Variants in CHM observed in about 807,000 individuals in gnomAD.
CHM encodes CHM Rab escort protein.
CHM carries 10 observed loss-of-function variants against 49.0 expected under a neutral mutation model. The ratio of observed to expected loss-of-function variants is 0.20; its 90% CI spans 0.13 to 0.35. CHM has a LOEUF of 0.35. Ranked by LOEUF, CHM falls within the 10% of genes least tolerant of loss-of-function variation. The pLI is 1.00. For missense variants in CHM, 455 were observed against 478.4 expected, an observed-to-expected ratio of 0.95 and a Z score of 0.46; for synonymous variants, 184 against 167.5, an observed-to-expected ratio of 1.10 and a Z score of -0.76.
At chrX:86,000,805 T>C (rs1182142949) in intron 2 of CHM, among the ~76,000 whole-genome samples, 1 of 110,976 alleles carries the variant, frequency 9.0e-6, no homozygotes, top group East Asian at 2.8e-4. Context: ...GTGGATGTCA[T>C]GGTGGTAGAG....
chrX:85,873,918 A>G (rs1924260691), intron 13 of CHM, among the ~76,000 whole-genome samples: 1 of 111,719 alleles, frequency 9.0e-6, no homozygotes, highest in African/African-American at 3.2e-5. Flanking sequence ...AAATATCAAA[A>G]ATGAAGTCAT....
At chrX:85,970,518 G>A (rs1930839376) in intron 4 of CHM, 2 of 703,446 alleles carry the variant, frequency 2.8e-6, no homozygotes, top group Non-Finnish European at 1.7e-6. Context: ...AATAGCACAC[G>A]TTTTTGAGTT....
chrX:86,039,942 T>G (rs1300788571), intron 1 of CHM, among the ~76,000 whole-genome samples: 4 of 111,708 alleles, frequency 3.6e-5, no homozygotes, highest in Non-Finnish European at 7.5e-5. Context: ...CCCTTCCCAC[T>G]AAGAGCCATC....
chrX:86,036,422 G>A (rs1411243875), intron 1 of CHM, among the ~76,000 whole-genome samples: 3 of 111,527 alleles, frequency 2.7e-5, no homozygotes, highest in Non-Finnish European at 3.8e-5. Context: ...TAAAATAAAG[G>A]ATTGTGGGGA....
intron 4 of CHM, among the ~76,000 whole-genome samples, chrX:85,978,438 C>T (rs1006070117): frequency 1.8e-5 from 2 of 111,570 alleles, no homozygotes; most frequent in Non-Finnish European, 3.8e-5. Flanking sequence ...TCTGCAACTA[C>T]TTAATCTCCT....
In CHM at chrX:86,044,838, C is replaced by T. The variant is rs138113199; in HGVS notation, c.49+2646G>A. Among the ~76,000 whole-genome samples the T allele has an allele frequency of 8.8e-3, 985 of 111,526 alleles. 14 individuals are homozygous for T. The highest frequency in any genetic ancestry group is 0.03 in the African/African-American group (924 of 30,719). On this transcript the variant is annotated intron_variant, in intron 1 of 14. Coordinates refer to ENST00000357749, the MANE Select transcript of CHM (RefSeq NM_000390.4). ...TTATTCCATTTTCTTCTATTTTTTC[C>T]GCAATTCCACTTTAGCTTACTCTTC...
intron 2 of CHM, among the ~76,000 whole-genome samples, chrX:85,986,930 T>C (rs191687463): frequency 9.6e-6 from 1 of 104,079 alleles, no homozygotes; most frequent in Non-Finnish European, 2.0e-5. Context: ...CACAATAAAA[T>C]AATACAAGAG....
chrX:85,935,301 T>C (rs1480629842), intron 8 of CHM, among the ~76,000 whole-genome samples: 2 of 111,598 alleles, frequency 1.8e-5, no homozygotes, highest in Non-Finnish European at 3.8e-5. Context: ...TCCACCCCCA[T>C]GTCCCTAACA....
At chrX:85,890,731 C>T (rs890441218) in intron 12 of CHM, among the ~76,000 whole-genome samples, 5 of 111,271 alleles carry the variant, frequency 4.5e-5, no homozygotes, top group Non-Finnish European at 7.5e-5. Flanking sequence ...TGAAAACAGA[C>T]GAATACAGTA....
chrX:85,946,625 G>A (rs1051602563), intron 8 of CHM, among the ~76,000 whole-genome samples: 1 of 112,273 alleles, frequency 8.9e-6, no homozygotes, highest in Admixed American at 9.4e-5. Flanking sequence ...ATATGGGAAA[G>A]CTTGGGTGTC....
At chrX:85,990,852 T>C (rs768528943) in intron 2 of CHM, among the ~76,000 whole-genome samples, 3 of 111,988 alleles carry the variant, frequency 2.7e-5, no homozygotes, top group Admixed American at 9.5e-5. Context: ...ATAATTACAA[T>C]TCAGTGTTGA....
intron 12 of CHM, among the ~76,000 whole-genome samples, chrX:85,880,761 A>C (rs1924712691): frequency 1.8e-5 from 2 of 111,328 alleles, no homozygotes; most frequent in Non-Finnish European, 3.8e-5. Flanking sequence ...AATTCTTACA[A>C]AGACATTCAT....
intron 2 of CHM, among the ~76,000 whole-genome samples, chrX:85,986,897 C>T (rs1267457785): frequency 2.7e-5 from 3 of 110,210 alleles, no homozygotes; most frequent in Non-Finnish European, 5.7e-5. Context: ...GATGGAGAAA[C>T]CCAACCCAAA....
intron 2 of CHM, among the ~76,000 whole-genome samples, chrX:85,997,912 T>C (rs770937362): frequency 1.8e-5 from 2 of 110,127 alleles, no homozygotes; most frequent in East Asian, 5.7e-4. Flanking sequence ...ATGGCGTCAC[T>C]GCACTCCAGC....
chrX:85,984,389 T>C (rs1297715086), intron 2 of CHM, among the ~76,000 whole-genome samples: 1 of 110,566 alleles, frequency 9.0e-6, no homozygotes, highest in Non-Finnish European at 1.9e-5. Context: ...TAAGTGCATA[T>C]TATAATAGCA....
At chrX:85,981,236 T>G (rs1449927386) in intron 3 of CHM, among the ~76,000 whole-genome samples, 3 of 61,946 alleles carry the variant, frequency 4.8e-5, no homozygotes, top group African/African-American at 7.2e-5. Flanking sequence ...ACATATTTTT[T>G]TTTTTTTTTT....
chrX:85,896,918 CATA>C (rs1167617646), intron 11 of CHM, among the ~76,000 whole-genome samples: 2 of 91,874 alleles, frequency 2.2e-5, no homozygotes, highest in East Asian at 3.3e-4. Context: ...ATATATAATA[CATA>C]ATATGTAATA....
intron 2 of CHM, among the ~76,000 whole-genome samples, chrX:86,024,774 T>C (rs1933737204): frequency 8.9e-6 from 1 of 112,236 alleles, no homozygotes; most frequent in Non-Finnish European, 1.9e-5. Context: ...ATCATCTGAA[T>C]AAATCTGGAG....
chrX:85,990,918 T>C (rs773442714), intron 2 of CHM, among the ~76,000 whole-genome samples: 1 of 112,171 alleles, frequency 8.9e-6, no homozygotes, highest in South Asian at 3.7e-4. Context: ...TATTGTGAAA[T>C]GGCTTCTGTA....
Sources: allele counts gnomAD v4.1 joint callset (sites outside exome capture counted in the v4.1 genomes callset), GRCh38; gene constraint gnomAD v4.1.1; transcripts MANE v1.5; gene names NCBI Gene and HGNC (gene_info 2026-07-23, HGNC 2026-07-21).